The following ROBO1 variants were observed in gnomAD, a reference collection of about 807,000 sequenced individuals.
ROBO1 encodes the protein roundabout guidance receptor 1, also known as roundabout homolog 1.
In ROBO1, 149 loss-of-function variants were observed where a neutral mutation model predicts 195.9. The observed-to-expected ratio is 0.76, with a 90% CI of 0.67 to 0.87. The LOEUF (loss-of-function observed/expected upper bound fraction) is 0.87, where lower values mean the gene tolerates loss of function less well. Ranked by LOEUF, ROBO1 falls within the 40% of genes least tolerant of loss-of-function variation. The probability of loss-of-function intolerance (pLI) is 0.00; values close to 1 mark genes in which losing one functional copy is unlikely to be tolerated. For missense variants in ROBO1, 1,933 were observed against 2,068.3 expected (o/e 0.93, Z 1.27); for synonymous variants, 816 against 733.2 (o/e 1.11, Z -1.82).
chr3:78,936,248 C>A (rs183887247), intron 4 of ROBO1, among the ~76,000 whole-genome samples: 225 of 151,464 alleles, frequency 1.5e-3, no homozygotes, highest in Non-Finnish European at 1.6e-3. Context: ...TGTTAGGAAC[C>A]AAGAAATACA....
At position 79,612,205 on chromosome 3, in the gene ROBO1, G is replaced by C. The variant is rs1944682327; in HGVS notation, c.-50-22244C>G. ...TCCCACCACCCCACAACAGTCCCCA[G>C]AGTGTGATATTCCCCTTTCTGTGTC... On this transcript the variant is annotated intron_variant, in intron 1 of 30. Coordinates refer to ENST00000464233, the MANE Select transcript of ROBO1 (RefSeq NM_002941.4). Among the ~76,000 whole-genome samples, 3 of 138,680 alleles carry C rather than the reference G, an allele frequency of 2.2e-5. No individual in the cohort carries two copies. In the South Asian group the frequency reaches 7.6e-4, roughly 35 times the overall value. 91.0% of individuals were successfully genotyped at this position (138,680 alleles called of 152,430 possible).
chr3:79,372,395 G>C (rs1264909720), intron 2 of ROBO1, among the ~76,000 whole-genome samples: 1 of 151,908 alleles, frequency 6.6e-6, no homozygotes, highest in African/African-American at 2.4e-5. Flanking sequence ...ATTTTTAGTA[G>C]AGATGGGGTT....
intron 2 of ROBO1, among the ~76,000 whole-genome samples, chr3:79,264,652 A>T (rs2083002281): frequency 6.6e-6 from 1 of 151,920 alleles, no homozygotes; most frequent in Non-Finnish European, 1.5e-5. Flanking sequence ...TCCTCACCTC[A>T]GGAATAGGAT....
At chr3:79,272,487 A>G (rs1469316928) in intron 2 of ROBO1, among the ~76,000 whole-genome samples, 3 of 152,062 alleles carry the variant, frequency 2.0e-5, no homozygotes, top group Non-Finnish European at 4.4e-5. Context: ...TGGTTTTAAC[A>G]TCATATTAAG....
In ROBO1 at chr3:78,631,203, G is replaced by A. The variant is rs748235059; in HGVS notation, c.3584C>T (p.Pro1195Leu). 1 of 1,613,010 alleles carries A rather than the reference G, an allele frequency of 6.2e-7. No homozygotes were observed. The highest frequency in any genetic ancestry group is 1.1e-5 in the South Asian group (1 of 90,958). The stretch of plus-strand genomic sequence containing the variant: ...GTTGTACTCTTCGCTATTGCTGTGT[G>A]GAGGAGGATGTGCTGGGGGAGGAGG... ...LLPPPPAHPP[P>L]HSNSEEYNIS... The change falls in exon 25 of 31, where the codon CCA (proline) becomes CTA (leucine). Residue 1195 changes from proline (P) to leucine (L), a missense_variant. Pro to Leu is a moderately conservative substitution (Grantham distance 98). Around this residue, in one of 3 missense-constraint regions of ROBO1, gnomAD observed 1,737 missense variants for 1,882.5 expected, o/e 0.92. Transcript: ENST00000464233.
At chr3:79,327,224 A>G (rs1415990899) in intron 2 of ROBO1, among the ~76,000 whole-genome samples, 1 of 152,084 alleles carries the variant, frequency 6.6e-6, no homozygotes, top group Non-Finnish European at 1.5e-5. Flanking sequence ...GAAAAATACT[A>G]TGAGTAGGAT....
At chr3:79,554,496 T>A (rs1942630703) in intron 2 of ROBO1, among the ~76,000 whole-genome samples, 1 of 152,082 alleles carries the variant, frequency 6.6e-6, no homozygotes, top group Non-Finnish European at 1.5e-5. Context: ...AATGGAAATG[T>A]ACAGTAGGTG....
intron 2 of ROBO1, among the ~76,000 whole-genome samples, chr3:79,414,043 A>G (rs1575792713): frequency 6.6e-6 from 1 of 152,146 alleles, no homozygotes; most frequent in East Asian, 1.9e-4. Flanking sequence ...CCTTTTTCCC[A>G]TTTCTACTTT....
chr3:79,100,927 C>T (rs2079664381), intron 3 of ROBO1, among the ~76,000 whole-genome samples: 1 of 151,716 alleles, frequency 6.6e-6, no homozygotes, highest in Non-Finnish European at 1.5e-5. Context: ...CTATAATTTA[C>T]AGGATTTTGA....
At chr3:78,952,364 T>TAA (rs2040835062) in intron 3 of ROBO1, among the ~76,000 whole-genome samples, 1 of 149,534 alleles carries the variant, frequency 6.7e-6, no homozygotes, top group South Asian at 2.1e-4. Flanking sequence ...ATTATATATA[T>TAA]AATATATAAA....
intron 2 of ROBO1, among the ~76,000 whole-genome samples, chr3:79,575,212 T>TATAA (rs1473391811): frequency 1.6e-4 from 9 of 55,286 alleles, no homozygotes; most frequent in African/African-American, 5.0e-4. Context: ...ATATAACAGA[T>TATAA]ATATATATAT....
At chr3:79,282,611 C>A (rs1250495001) in intron 2 of ROBO1, among the ~76,000 whole-genome samples, 2 of 152,150 alleles carry the variant, frequency 1.3e-5, no homozygotes, top group Admixed American at 1.3e-4. Context: ...AGAAGAGTCC[C>A]AGATTTTTGG....
intron 2 of ROBO1, among the ~76,000 whole-genome samples, chr3:79,291,067 C>T (rs753700908): frequency 1.3e-5 from 2 of 152,194 alleles, no homozygotes; most frequent in African/African-American, 2.4e-5. Context: ...TTTAACTCCA[C>T]CTTAACTAAA....
intron 3 of ROBO1, among the ~76,000 whole-genome samples, chr3:78,946,902 A>G (rs540832306): frequency 6.6e-6 from 1 of 152,194 alleles, no homozygotes; most frequent in African/African-American, 2.4e-5. Flanking sequence ...ACTTTAAACC[A>G]ACAAAGATGA....
At chr3:79,353,521 G>T (rs935486911) in intron 2 of ROBO1, among the ~76,000 whole-genome samples, 1 of 151,942 alleles carries the variant, frequency 6.6e-6, no homozygotes, top group African/African-American at 2.4e-5. Flanking sequence ...ATTATAAAAA[G>T]ATGAGATGTT....
intron 2 of ROBO1, among the ~76,000 whole-genome samples, chr3:79,482,965 C>T (rs963600444): frequency 3.9e-5 from 6 of 152,018 alleles, no homozygotes; most frequent in African/African-American, 7.3e-5. Context: ...GCAACATGGC[C>T]GAGTCAAACT....
chr3:78,747,460 C>T (rs1308850245), intron 4 of ROBO1, among the ~76,000 whole-genome samples: 1 of 152,060 alleles, frequency 6.6e-6, no homozygotes, highest in East Asian at 1.9e-4. Context: ...TTAGACATAT[C>T]TACAAAGCCA....
At chr3:79,616,743 G>C (rs1022111007) in intron 1 of ROBO1, among the ~76,000 whole-genome samples, 5 of 152,192 alleles carry the variant, frequency 3.3e-5, no homozygotes, top group African/African-American at 1.2e-4. Flanking sequence ...CATGTCTTTT[G>C]GTACTGGGAG....
chr3:79,261,624 C>G (rs1401757315), intron 2 of ROBO1, among the ~76,000 whole-genome samples: 2 of 151,852 alleles, frequency 1.3e-5, no homozygotes, highest in Admixed American at 6.6e-5. Flanking sequence ...CCACTCCCCC[C>G]ACCAAATGTA....
Sources: allele counts gnomAD v4.1 joint callset (sites outside exome capture counted in the v4.1 genomes callset), GRCh38; gene constraint gnomAD v4.1.1; regional missense constraint gnomAD v4.1.1; transcripts MANE v1.5; gene names NCBI Gene and HGNC (gene_info 2026-07-23, HGNC 2026-07-21).